The following PKHD1L1 variants were observed in gnomAD, a reference collection of about 807,000 sequenced individuals.
The protein encoded by PKHD1L1 is PKHD1 like 1.
Under a neutral mutation model 462.9 loss-of-function variants are expected in PKHD1L1, and 434 were observed. That is an observed-to-expected ratio of 0.94 (90% CI 0.87 to 1.02). The LOEUF (loss-of-function observed/expected upper bound fraction) is 1.02. Ranked by LOEUF, PKHD1L1 falls within the 50% of genes least tolerant of loss-of-function variation. PKHD1L1 has a pLI of 0.00. For missense variants in PKHD1L1, 5,202 were observed against 5,096.1 expected, an observed-to-expected ratio of 1.02 and a Z score of -0.63; for synonymous variants, 1,781 against 1,750.0, an observed-to-expected ratio of 1.02 and a Z score of -0.44.
intron 59 of PKHD1L1, among the ~76,000 whole-genome samples, chr8:109,488,057 A>G (rs562904490): frequency 5.0e-4 from 76 of 152,150 alleles, no homozygotes; most frequent in Non-Finnish European, 9.3e-4. Context: ...GCTACTAATT[A>G]ACATTGCCTA....
chr8:109,441,257 A>G lies in PKHD1L1; in HGVS notation c.4100-18A>G. ...AAATGTTTGCTTTTTAAAAATATGC[A>G]GTATTTATTCTTTCTAGGGTCCATC... On this transcript the variant is annotated intron_variant, in intron 33 of 77. Transcript: ENST00000378402. 1 of 1,445,524 alleles carries G rather than the reference A, an allele frequency of 6.9e-7. No individual in the cohort carries two copies. Among genetic ancestry groups the G allele is most frequent in the Middle Eastern group, 1.8e-4 (1 of 5,602 alleles). 89.5% of individuals were successfully genotyped at this position (1,445,524 alleles called of 1,614,324 possible).
intron 71 of PKHD1L1, among the ~76,000 whole-genome samples, chr8:109,512,729 G>T (rs1446372328): frequency 2.0e-5 from 3 of 152,130 alleles, no homozygotes; most frequent in Middle Eastern, 3.2e-3. Flanking sequence ...CCAGTTCTGT[G>T]AAGAAAGTCA....
chr8:109,388,974 G>A (rs749598742), intron 7 of PKHD1L1, 105 bp from the exon 8 acceptor site: 33 of 762,820 alleles, frequency 4.3e-5, no homozygotes, highest in Non-Finnish European at 6.8e-5. Flanking sequence ...AACAATTTCT[G>A]TCCTGATTCA....
rs1165340368 is a variant in PKHD1L1 at position 109,518,310 on chromosome 8, T to C, written c.11833T>C (p.Ser3945Pro). 3 of 1,613,214 alleles carry C rather than the reference T, an allele frequency of 1.9e-6. No homozygotes were observed. The South Asian group carries it at 3.3e-5, about 18-fold the overall frequency. ...ATVIFVSFQL[S>P]VATEDDFYTS... ...AGTGATATTTGTTTCTTTCCAATTA[T>C]CTGTTGCAACAGAAGATGACTTTTA... Residue 3945 changes from serine to proline, a missense_variant, in exon 73 of 78, where the codon TCT becomes CCT. Transcript: ENST00000378402.
intron 1 of PKHD1L1, 124 bp downstream of exon 1, chr8:109,362,777 A>G (rs371678904): frequency 1.9e-6 from 2 of 1,051,576 alleles, no homozygotes; most frequent in African/African-American, 3.2e-5. Context: ...GTGCGGTTGC[A>G]TGACGATCCT....
intron 2 of PKHD1L1, among the ~76,000 whole-genome samples, chr8:109,377,335 A>G (rs1359549943): frequency 6.6e-6 from 1 of 152,182 alleles, no homozygotes; most frequent in African/African-American, 2.4e-5. Flanking sequence ...AGTTAAATCT[A>G]CATCTCTGGG....
intron 53 of PKHD1L1, 46 bp downstream of exon 53, chr8:109,477,442 T>C (rs759139191): frequency 2.9e-5 from 44 of 1,499,314 alleles, no homozygotes; most frequent in Non-Finnish European, 4.0e-5. Flanking sequence ...TCTCTTAACA[T>C]AATCCTTTTC....
chr8:109,396,186 C>T (rs1812966041), intron 11 of PKHD1L1, 49 bp downstream of exon 11: 1 of 1,280,544 alleles, frequency 7.8e-7, no homozygotes, highest in African/African-American at 1.5e-5. Context: ...CAAATTCTGC[C>T]TGCTCTTTAA....
In PKHD1L1 at chr8:109,385,529, G is replaced by C. The variant is rs1812394988; in HGVS notation, c.476-8G>C. ...CAGAATCTTTTTGGGGTTTTTGTTT[G>C]TTTTCAGGTACACTAATAACAATCC... On this transcript the variant is annotated splice_region_variant and splice_polypyrimidine_tract_variant and intron_variant, in intron 5 of 77. Transcript: ENST00000378402. 2 of 1,560,744 alleles carry C rather than the reference G, an allele frequency of 1.3e-6. No individual in the cohort carries two copies. Among genetic ancestry groups the C allele is most frequent in the African/African-American group, 1.4e-5 (1 of 72,666 alleles).
chr8:109,518,733 A>G (rs1370725327), intron 73 of PKHD1L1, among the ~76,000 whole-genome samples: 3 of 152,158 alleles, frequency 2.0e-5, no homozygotes, highest in Non-Finnish European at 4.4e-5. Flanking sequence ...GTGATGATTA[A>G]TAAGTTCAAC....
At chr8:109,493,859 C>T (rs189711448) in intron 63 of PKHD1L1, 108 bp downstream of exon 63, 25 of 578,656 alleles carry the variant, frequency 4.3e-5, no homozygotes, top group African/African-American at 1.3e-4. Context: ...CTTTTCCTTC[C>T]GGGCACTGAA....
rs897103609 is a variant in PKHD1L1, at chr8:109,531,337, A to G, written c.*1247A>G. Among the ~76,000 whole-genome samples, 1 of 152,248 alleles carries G rather than the reference A, an allele frequency of 6.6e-6. No individual in the cohort carries two copies. Among genetic ancestry groups the G allele is most frequent in the Non-Finnish European group, 1.5e-5 (1 of 68,048 alleles). ...TGTTCTAGTAAGTAGGAAGGCTACAAGAAATAAGATGCTATGCCTTCCCTC... is the reference window on the plus strand; with the variant it reads ...TGTTCTAGTAAGTAGGAAGGCTACAGGAAATAAGATGCTATGCCTTCCCTC... On this transcript the variant is annotated 3_prime_UTR_variant, in exon 78 of 78. Transcript: ENST00000378402.
At chr8:109,460,434 A>G (rs554167336) in intron 47 of PKHD1L1, among the ~76,000 whole-genome samples, 78 of 152,190 alleles carry the variant, frequency 5.1e-4, no homozygotes, top group African/African-American at 1.5e-3. Context: ...TGATGGGGGG[A>G]AAATCTATAG....
chr8:109,436,648 C>G (rs1815433511), intron 30 of PKHD1L1, among the ~76,000 whole-genome samples, 189 bp downstream of exon 30: 2 of 152,044 alleles, frequency 1.3e-5, no homozygotes, highest in Admixed American at 6.6e-5. Context: ...AATATTGTCT[C>G]CACATTCAAG....
In PKHD1L1 at chr8:109,389,064, C is replaced by G. The variant is rs375376294; in HGVS notation, c.624-15C>G. On this transcript the variant is annotated splice_polypyrimidine_tract_variant and intron_variant, in intron 7 of 77. Transcript: ENST00000378402. ...GTGTCTATATAAGCTTTGACATTAA[C>G]TTTTTTTTAATTAGATATGGTCTAA... is the stretch of plus-strand genomic sequence containing the variant. 9.6e-6 allele frequency: 15 copies of G among 1,555,688 alleles called. No individual in the cohort carries two copies. In the African/African-American group the frequency reaches 1.9e-4, roughly 20 times the overall value.
At chr8:109,371,856 G>A (rs187585782) in intron 2 of PKHD1L1, among the ~76,000 whole-genome samples, 1 of 152,058 alleles carries the variant, frequency 6.6e-6, no homozygotes, top group African/African-American at 2.4e-5. Flanking sequence ...CTGTTCCATT[G>A]GTCTATATCT....
intron 21 of PKHD1L1, among the ~76,000 whole-genome samples, chr8:109,414,094 AT>A (rs1021212448): frequency 6.6e-6 from 1 of 152,116 alleles, no homozygotes; most frequent in Non-Finnish European, 1.5e-5. Flanking sequence ...CTATATAATT[AT>A]TTTTTGGGTT....
chr8:109,382,294 G>A (rs1812163878), intron 3 of PKHD1L1, among the ~76,000 whole-genome samples, 169 bp from the exon 4 acceptor site: 1 of 152,120 alleles, frequency 6.6e-6, no homozygotes, highest in South Asian at 2.1e-4. Context: ...AGTTCAGGAT[G>A]GAGATCATTT....
chr8:109,394,209 T>C (rs972604141), intron 9 of PKHD1L1, among the ~76,000 whole-genome samples: 3 of 151,084 alleles, frequency 2.0e-5, no homozygotes, highest in African/African-American at 7.3e-5. Flanking sequence ...AAATCAACTT[T>C]ATTGAGATAT....
Sources: allele counts gnomAD v4.1 joint callset (sites outside exome capture counted in the v4.1 genomes callset), GRCh38; gene constraint gnomAD v4.1.1; transcripts MANE v1.5; gene names NCBI Gene and HGNC (gene_info 2026-07-23, HGNC 2026-07-21).